OCIAD2: variants seen among roughly 807,000 people sequenced by gnomAD.
The protein encoded by OCIAD2 is OCIA domain-containing protein 2.
In OCIAD2, 29 loss-of-function variants were observed where a neutral mutation model predicts 22.9. That is an observed-to-expected ratio of 1.27 (90% CI 0.94 to 1.73). The LOEUF (loss-of-function observed/expected upper bound fraction) is 1.73, where lower values mean the gene tolerates loss of function less well. Ranked by LOEUF, OCIAD2 falls within the 40% of genes most tolerant of loss-of-function variation. The pLI, the probability that OCIAD2 is intolerant of heterozygous loss-of-function variation, is 0.00. For missense variants in OCIAD2, 189 were observed against 180.3 expected (o/e 1.05, Z -0.28); for synonymous variants, 67 against 60.2 (o/e 1.11, Z -0.52).
intron 6 of OCIAD2, among the ~76,000 whole-genome samples, chr4:48,887,504 A>C (rs907255320): frequency 6.6e-6 from 1 of 152,122 alleles, no homozygotes; most frequent in Admixed American, 6.6e-5. Context: ...CATCTTGAAT[A>C]AATTTTTGTA....
At chr4:48,903,913 G>C (rs1204660954) in intron 2 of OCIAD2, among the ~76,000 whole-genome samples, 1 of 151,812 alleles carries the variant, frequency 6.6e-6, no homozygotes, top group Non-Finnish European at 1.5e-5. Flanking sequence ...CCAAAGTGCT[G>C]GGATTACAGG....
intron 6 of OCIAD2, among the ~76,000 whole-genome samples, chr4:48,885,986 A>G (rs1342172240): frequency 1.3e-5 from 2 of 152,198 alleles, no homozygotes; most frequent in Non-Finnish European, 2.9e-5. Flanking sequence ...TGTTTTAGAC[A>G]TGAAGTCCTT....
chr4:48,891,382 A>G (rs962585394), intron 6 of OCIAD2, among the ~76,000 whole-genome samples: 15 of 152,226 alleles, frequency 9.9e-5, no homozygotes, highest in African/African-American at 3.6e-4. Flanking sequence ...GGCCCTTCAC[A>G]TAGGGCATAG....
At chr4:48,906,410 T>C (rs1781527095) in intron 1 of OCIAD2, among the ~76,000 whole-genome samples, 1 of 152,164 alleles carries the variant, frequency 6.6e-6, no homozygotes. Flanking sequence ...CACTGCACTT[T>C]CTGATGCGGT....
In OCIAD2 at chr4:48,904,495, G is replaced by T; in HGVS notation, c.55C>A (p.Pro19Thr). ...ATATAAAAGTATACCTGCTTGCTTG[G>T]TGGTGGAAAATGGGCATCTTTATCT... ...NQDKDAHFPP[P>T]SKQSLLFCPK... Residue 19 changes from proline (P) to threonine (T), a missense_variant, in exon 2 of 7, where the codon CCA (proline) becomes ACA (threonine). Physicochemically the swap from Pro to Thr is conservative, Grantham distance 38. Transcript: ENST00000508632. The T allele has an allele frequency of 6.2e-7, 1 of 1,613,878 alleles. No homozygotes were observed. The highest frequency in any genetic ancestry group is 8.5e-7 in the Non-Finnish European group (1 of 1,179,776).
intron 3 of OCIAD2, 50 bp from the exon 4 acceptor site, chr4:48,897,907 T>G (rs766341745): frequency 7.4e-7 from 1 of 1,352,452 alleles, no homozygotes; most frequent in South Asian, 1.2e-5. Flanking sequence ...AATTGGCACC[T>G]CACCTAGAAG....
At chr4:48,898,862 A>G (rs1781357511) in intron 3 of OCIAD2, among the ~76,000 whole-genome samples, 1 of 152,198 alleles carries the variant, frequency 6.6e-6, no homozygotes, top group South Asian at 2.1e-4. Context: ...AGTGATAAAC[A>G]TGTAGCTCTT....
chr4:48,895,516 G>A (rs1781284729), intron 4 of OCIAD2, among the ~76,000 whole-genome samples: 1 of 152,156 alleles, frequency 6.6e-6, no homozygotes, highest in African/African-American at 2.4e-5. Flanking sequence ...AGAGCAAGAG[G>A]AGAGGCTGAA....
intron 6 of OCIAD2, among the ~76,000 whole-genome samples, chr4:48,892,324 G>GT (rs1781195439): frequency 6.6e-6 from 1 of 152,186 alleles, no homozygotes; most frequent in South Asian, 2.1e-4. Context: ...GGTAGAACTG[G>GT]TTTTTAAACC....
chr4:48,895,038 A>G (rs1463134201), intron 4 of OCIAD2, among the ~76,000 whole-genome samples: 1 of 152,234 alleles, frequency 6.6e-6, no homozygotes, highest in Non-Finnish European at 1.5e-5. Context: ...TGGCAGCAAC[A>G]GAAGAACTTG....
At position 48,904,640 on chromosome 4, in the gene OCIAD2, C is replaced by T. The variant is rs1394635397; in HGVS notation, c.-62-29G>A. 17 of 1,137,350 alleles carry T rather than the reference C, an allele frequency of 1.5e-5. No homozygotes were observed. In the South Asian group the frequency reaches 2.0e-4, roughly 13 times the overall value. 70.5% of individuals were successfully genotyped at this position (1,137,350 alleles called of 1,614,324 possible). A position where few individuals can be genotyped will look rare whatever the true frequency, so the allele number is the denominator to read the frequency against. ...AGGAAGGTAGAAGAGAATCACTATG[C>T]CATGACTAAATGTTTGCATCAAGCT... is the stretch of plus-strand genomic sequence containing the variant. On this transcript the variant is annotated intron_variant, in intron 1 of 6. Transcript: ENST00000508632.
At position 48,885,458 on chromosome 4, in the gene OCIAD2, A is replaced by G. The variant is rs750965692; in HGVS notation, c.*26T>C. ...TGTGTACAAATTCAGAGGTTTAAAA[A>G]ACTTCGAAAGTCACAGACACAGAAT... On this transcript the variant is annotated 3_prime_UTR_variant, in exon 7 of 7. Transcript: ENST00000508632. 2.2e-6 allele frequency: 3 copies of G among 1,366,266 alleles called. No homozygotes were observed. In the East Asian group the frequency reaches 6.9e-5, roughly 31 times the overall value. 84.6% of individuals were successfully genotyped at this position (1,366,266 alleles called of 1,614,324 possible).
chr4:48,895,944 A>G (rs866184437), intron 4 of OCIAD2, among the ~76,000 whole-genome samples: 1 of 152,064 alleles, frequency 6.6e-6, no homozygotes, highest in African/African-American at 2.4e-5. Flanking sequence ...AGGCAGGAGA[A>G]TTGCTTGAAC....
Position 48,885,289 on chromosome 4 carries a change from C to T in OCIAD2, c.*195G>A. The T allele has an allele frequency of 1.8e-6, 1 of 551,674 alleles. No individual in the cohort carries two copies. Among genetic ancestry groups the T allele is most frequent in the Non-Finnish European group, 3.2e-6 (1 of 312,882 alleles). 34.2% of individuals were successfully genotyped at this position (551,674 alleles called of 1,614,324 possible). A position where few individuals can be genotyped will look rare whatever the true frequency, so the allele number is the denominator to read the frequency against. ...CAGGCATGAGCCACTGCGCCATGCCCCGACATGTTCTTAAAGAGCAGAAAA... is the reference window on the plus strand; with the variant it reads ...CAGGCATGAGCCACTGCGCCATGCCTCGACATGTTCTTAAAGAGCAGAAAA... On this transcript the variant is annotated 3_prime_UTR_variant, in exon 7 of 7. Coordinates refer to ENST00000508632, the MANE Select transcript of OCIAD2 (RefSeq NM_001014446.3).
Position 48,904,502 on chromosome 4 carries a change from A to C in OCIAD2, c.48T>G (p.Phe16Leu). 6.2e-7 allele frequency: 1 copy of C among 1,613,852 alleles called. No individual in the cohort carries two copies. The highest frequency in any genetic ancestry group is 8.5e-7 in the Non-Finnish European group (1 of 1,179,764). Residue 16 changes from phenylalanine (F) to leucine (L), a missense_variant, in exon 2 of 7, where the codon TTT becomes TTG. By Grantham distance (22) the Phe-to-Leu change is conservative. Transcript: ENST00000508632. ...ARGNQDKDAH[F>L]PPPSKQSLLF... is the part of the protein sequence containing the mutation. ...AGTATACCTGCTTGCTTGGTGGTGG[A>C]AAATGGGCATCTTTATCTTGGTTTC...
At chr4:48,889,708 A>G (rs1476986917) in intron 6 of OCIAD2, among the ~76,000 whole-genome samples, 1 of 152,204 alleles carries the variant, frequency 6.6e-6, no homozygotes, top group African/African-American at 2.4e-5. Flanking sequence ...CAATTCCTCA[A>G]GGATCTAGAA....
chr4:48,889,786 G>T lies in OCIAD2; in HGVS notation c.383+2986C>A, dbSNP rs113849267. 1.3e-5 allele frequency among the ~76,000 whole-genome samples: 2 copies of T among 152,178 alleles called. 1 individual carries two copies. Among genetic ancestry groups the T allele is most frequent in the South Asian group, 4.1e-4 (2 of 4,832 alleles). On this transcript the variant is annotated intron_variant, in intron 6 of 6. Coordinates refer to ENST00000508632, the MANE Select transcript of OCIAD2 (RefSeq NM_001014446.3). Reference sequence around the variant, plus strand: ...TACCCAAAGGATTATAAAGCCTGCTGCTATAAAGACACATGCACAGGTATG... The same window carrying T: ...TACCCAAAGGATTATAAAGCCTGCTTCTATAAAGACACATGCACAGGTATG...
intron 2 of OCIAD2, among the ~76,000 whole-genome samples, chr4:48,903,945 A>G (rs1781472169): frequency 6.6e-6 from 1 of 150,732 alleles, no homozygotes; most frequent in African/African-American, 2.4e-5. Context: ...GCGCCCAGCC[A>G]AGAAAGAGTT....
At position 48,885,530 on chromosome 4, in the gene OCIAD2, T is replaced by G; in HGVS notation, c.419A>C (p.Lys140Thr). 1 of 1,611,444 alleles carries G rather than the reference T, an allele frequency of 6.2e-7. No homozygotes were observed. Among genetic ancestry groups the G allele is most frequent in the Middle Eastern group, 1.7e-4 (1 of 6,058 alleles). ...CLLTCEECKI[K>T]HGLSEKGDSQ... Reference sequence around the variant, plus strand: ...GTCTCCCTTCTCACTTAATCCATGCTTTATTTTGCATTCCTCACAGGTAAG... The same window carrying G: ...GTCTCCCTTCTCACTTAATCCATGCGTTATTTTGCATTCCTCACAGGTAAG... Residue 140 changes from lysine (K) to threonine (T), a missense_variant, in exon 7 of 7, where the codon AAG becomes ACG. Coordinates refer to ENST00000508632, the MANE Select transcript of OCIAD2 (RefSeq NM_001014446.3).
Sources: gnomAD v4.1 joint callset for allele counts (sites outside exome capture counted in the v4.1 genomes callset) on GRCh38, gnomAD v4.1.1 for gene constraint, MANE v1.5 for transcripts, NCBI Gene and HGNC (gene_info 2026-07-23, HGNC 2026-07-21) for gene names.